The following JPH3 variants were observed in gnomAD, a reference collection of about 807,000 sequenced individuals.
JPH3 encodes the protein junctophilin 3, also known as junctophilin-3.
In JPH3, 11 loss-of-function variants were observed where a neutral mutation model predicts 59.6. The ratio of observed to expected loss-of-function variants is 0.18; its 90% CI spans 0.12 to 0.31. The LOEUF is 0.31. Among genes scored for constraint, JPH3 ranks in the 10% least tolerant of loss-of-function variants. JPH3 has a pLI of 1.00. For synonymous variants in JPH3, 673 were observed against 483.6 expected, an observed-to-expected ratio of 1.39 and a Z score of -5.14; for missense variants, 1,202 against 1,105.7, an observed-to-expected ratio of 1.09 and a Z score of -1.24.
At chr16:87,641,306 C>T (rs1053023455) in intron 1 of JPH3, among the ~76,000 whole-genome samples, 6 of 152,100 alleles carry the variant, frequency 3.9e-5, no homozygotes, top group East Asian at 1.9e-4. Context: ...TCACTGGAGT[C>T]GGAGGTTGCT....
At chr16:87,608,523 C>T (rs564855812) in intron 1 of JPH3, among the ~76,000 whole-genome samples, 102 of 152,132 alleles carry the variant, frequency 6.7e-4, no homozygotes, top group Non-Finnish European at 1.3e-3. Flanking sequence ...GGTCCTGGCT[C>T]GAACTTGAGT....
chr16:87,696,716 T>C lies in JPH3; in HGVS notation c.*56T>C. 1 of 1,451,912 alleles carries C rather than the reference T, an allele frequency of 6.9e-7. No individual in the cohort carries two copies. Among genetic ancestry groups the C allele is most frequent in the Non-Finnish European group, 9.6e-7 (1 of 1,037,300 alleles). 89.9% of individuals were successfully genotyped at this position (1,451,912 alleles called of 1,614,324 possible). A position where few individuals can be genotyped will look rare whatever the true frequency, so the allele number is the denominator to read the frequency against. ...GGGTAGAAAAAAGGGACATTAAAAT[T>C]AAAAGCAAAACCACAAGAAGGGAAA... On this transcript the variant is annotated 3_prime_UTR_variant, in exon 5 of 5. Coordinates refer to ENST00000284262, the MANE Select transcript of JPH3 (RefSeq NM_020655.4).
chr16:87,679,648 G>T (rs555706146), intron 2 of JPH3, among the ~76,000 whole-genome samples: 1 of 152,252 alleles, frequency 6.6e-6, no homozygotes, highest in Non-Finnish European at 1.5e-5. Context: ...CGCTGTCCGG[G>T]CTGGGTCGTG....
At chr16:87,607,956 G>A (rs945655043) in intron 1 of JPH3, among the ~76,000 whole-genome samples, 1 of 152,264 alleles carries the variant, frequency 6.6e-6, no homozygotes, top group Non-Finnish European at 1.5e-5. Context: ...GAAGCAAACA[G>A]CTATTTTTTT....
At chr16:87,654,275 G>A (rs752431033) in intron 2 of JPH3, 5 of 152,134 alleles carry the variant, frequency 3.3e-5, no homozygotes, top group Non-Finnish European at 7.3e-5. Flanking sequence ...ACTCCCAGAC[G>A]GGGTTGGCTG....
chr16:87,696,472 A>G (rs1171016719), intron 4 of JPH3, 108 bp from the exon 5 acceptor site: 1 of 882,138 alleles, frequency 1.1e-6, no homozygotes, highest in African/African-American at 1.7e-5. Context: ...GTACGCTTCC[A>G]CCCCCGAGGG....
rs1406555912 is a variant in JPH3, at chr16:87,603,108, G to T, written c.-39G>T. 1.2e-6 allele frequency: 2 copies of T among 1,613,338 alleles called. No homozygotes were observed. Among genetic ancestry groups the T allele is most frequent in the African/African-American group, 2.7e-5 (2 of 74,904 alleles). The stretch of plus-strand genomic sequence containing the variant: ...TCTGCTGTGTCGATCGCCTGAGTCC[G>T]TTTTCACCGTTTGCGGGATCTGGAA... On this transcript the variant is annotated 5_prime_UTR_variant, in exon 1 of 5. Coordinates refer to ENST00000284262, the MANE Select transcript of JPH3 (RefSeq NM_020655.4).
At chr16:87,676,790 C>G (rs2033151721) in intron 2 of JPH3, among the ~76,000 whole-genome samples, 1 of 151,718 alleles carries the variant, frequency 6.6e-6, no homozygotes, top group African/African-American at 2.4e-5. Context: ...AATCTCAGCA[C>G]TTTGGGAGGC....
chr16:87,615,256 G>A (rs1402909294), intron 1 of JPH3, among the ~76,000 whole-genome samples: 4 of 152,332 alleles, frequency 2.6e-5, no homozygotes, highest in South Asian at 4.1e-4. Context: ...TAGAAAAATA[G>A]GCCGGGATCA....
chr16:87,612,748 G>C (rs1003921352), intron 1 of JPH3, among the ~76,000 whole-genome samples: 3 of 152,182 alleles, frequency 2.0e-5, no homozygotes, highest in African/African-American at 7.2e-5. Flanking sequence ...GGGCGTGGTG[G>C]CTCATGCCTG....
chr16:87,644,469 C>G lies in JPH3; in HGVS notation c.594C>G (p.Leu198=). Residue 198 remains leucine, a synonymous_variant, in exon 2 of 5, where the codon CTC becomes CTG. Transcript: ENST00000284262. ...SPAVSRGGFV[L]VAHSDSEILK... is the part of the protein sequence containing the mutation. ...CCGTGTCCCGCGGGGGCTTCGTGCT[C>G]GTGGCCCACAGTGACTCCGAGATCC... 2.5e-6 allele frequency: 4 copies of G among 1,612,752 alleles called. No homozygotes were observed. Among genetic ancestry groups the G allele is most frequent in the Non-Finnish European group, 3.4e-6 (4 of 1,179,772 alleles).
intron 1 of JPH3, among the ~76,000 whole-genome samples, chr16:87,620,045 A>G (rs1009172838): frequency 6.6e-6 from 1 of 152,144 alleles, no homozygotes; most frequent in African/African-American, 2.4e-5. Flanking sequence ...GAGCCAGTCC[A>G]GTTGTTAAGA....
Position 87,642,742 on chromosome 16 carries a change from C to T in JPH3, c.383-1516C>T, listed in dbSNP as rs568218926. Among the ~76,000 whole-genome samples the T allele has an allele frequency of 7.2e-4, 110 of 152,350 alleles. 1 individual carries two copies. The highest frequency in any genetic ancestry group is 2.5e-3 in the African/African-American group (105 of 41,580). The stretch of plus-strand genomic sequence containing the variant: ...TCGTGCTGAGGCCCAGCCGTCCTCA[C>T]GGTGACCTTTGGCATGAGGAGTCCT... On this transcript the variant is annotated intron_variant, in intron 1 of 4. Coordinates refer to ENST00000284262, the MANE Select transcript of JPH3 (RefSeq NM_020655.4).
intron 4 of JPH3, among the ~76,000 whole-genome samples, chr16:87,692,172 T>C (rs895438575): frequency 6.6e-6 from 1 of 152,104 alleles, no homozygotes; most frequent in East Asian, 1.9e-4. Context: ...CACCCTGGGG[T>C]ACCTGGTGCT....
chr16:87,636,479 G>T (rs936813528), intron 1 of JPH3, among the ~76,000 whole-genome samples: 2 of 152,222 alleles, frequency 1.3e-5, no homozygotes, highest in African/African-American at 4.8e-5. Context: ...GGGAGCGAGG[G>T]AGAGGAGCAA....
At chr16:87,626,033 T>G (rs192729674) in intron 1 of JPH3, among the ~76,000 whole-genome samples, 1 of 152,148 alleles carries the variant, frequency 6.6e-6, no homozygotes, top group Non-Finnish European at 1.5e-5. Context: ...ATTCCTTAGC[T>G]CAGGTTGTTC....
Position 87,644,635 on chromosome 16 carries a change from AGCTCCACG to A in JPH3, c.763_770del (p.Ser255GlnfsTer13). ...CAGCGAGGCGGGCATGAGCACCGTC[AGCTCCACG>A]GCCAGCGACATCCACTCCACCATCA... is the stretch of plus-strand genomic sequence containing the variant. On this transcript the variant is annotated frameshift_variant, in exon 2 of 5. Coordinates refer to ENST00000284262, the MANE Select transcript of JPH3 (RefSeq NM_020655.4). LOFTEE classifies it high-confidence loss of function. 6.2e-7 allele frequency: 1 copy of A among 1,612,212 alleles called. No individual in the cohort carries two copies. Among genetic ancestry groups the A allele is most frequent in the Non-Finnish European group, 8.5e-7 (1 of 1,179,890 alleles).
chr16:87,657,195 A>C (rs1328926022), intron 2 of JPH3, among the ~76,000 whole-genome samples: 6 of 152,032 alleles, frequency 3.9e-5, no homozygotes, highest in Non-Finnish European at 8.8e-5. Context: ...AACAGTAATA[A>C]ATAAAAAGGA....
At chr16:87,627,050 C>T (rs539626106) in intron 1 of JPH3, among the ~76,000 whole-genome samples, 2 of 152,370 alleles carry the variant, frequency 1.3e-5, no homozygotes, top group African/African-American at 2.4e-5. Context: ...ACCTGGGAAG[C>T]TCTTAAAAGC....
Sources: allele counts gnomAD v4.1 joint callset (sites outside exome capture counted in the v4.1 genomes callset), GRCh38; gene constraint gnomAD v4.1.1; transcripts MANE v1.5; gene names NCBI Gene and HGNC (gene_info 2026-07-23, HGNC 2026-07-21).